DIXDC1: variants seen among roughly 807,000 people sequenced by gnomAD.
The protein encoded by DIXDC1 is DIX domain containing 1.
A neutral mutation model predicts 103.1 loss-of-function variants in DIXDC1; 64 were observed. That is an observed-to-expected ratio of 0.62 (90% CI 0.51 to 0.76). DIXDC1 has a LOEUF of 0.76. Among genes scored for constraint, DIXDC1 ranks in the 30% least tolerant of loss-of-function variants. The probability of loss-of-function intolerance (pLI) is 0.00; values close to 1 mark genes in which losing one functional copy is unlikely to be tolerated. For synonymous variants in DIXDC1, 266 were observed against 298.5 expected, an observed-to-expected ratio of 0.89 and a Z score of 1.12; for missense variants, 759 against 834.2, an observed-to-expected ratio of 0.91 and a Z score of 1.11.
At chr11:111,936,502 T>C (rs587731691), upstream of DIXDC1, among the ~76,000 whole-genome samples, 1 of 152,362 alleles carries the variant, frequency 6.6e-6, no homozygotes, top group Admixed American at 6.5e-5. Flanking sequence ...TTGTATATTT[T>C]AGCAGTTATT....
intron 5 of DIXDC1, 31 bp from the exon 6 acceptor site, chr11:111,980,706 A>G: frequency 6.4e-7 from 1 of 1,565,918 alleles, no homozygotes; most frequent in Non-Finnish European, 8.8e-7. Context: ...CTTCATAATA[A>G]TCGTTTTTCT....
rs782667390 is a variant in DIXDC1, at chr11:111,974,229, C to T, written c.523C>T (p.Arg175Trp). ...GTGTCATGACATGTCCCGATCAGGA[C>T]GGGATGTCTTTCGATATAGACAGAG... ...DVCHDMSRSG[R>W]DVFRYRQRNS... Residue 175 changes from arginine to tryptophan, a missense_variant, in exon 4 of 20, where the codon CGG (arginine) becomes TGG (tryptophan). Coordinates refer to ENST00000440460, the MANE Select transcript of DIXDC1 (RefSeq NM_001037954.4). 21 of 1,613,546 alleles carry T rather than the reference C, an allele frequency of 1.3e-5. No individual in the cohort carries two copies. The Admixed American group carries it at 1.7e-4, about 13-fold the overall frequency.
chr11:112,005,911 G>T (rs2081509), intron 17 of DIXDC1, among the ~76,000 whole-genome samples: 1 of 152,120 alleles, frequency 6.6e-6, no homozygotes, highest in African/African-American at 2.4e-5. Flanking sequence ...AGGCCAAGGC[G>T]GGCAGATTAC....
chr11:112,013,321 T>TGGGGGGGGGGGGGGGG (rs1403269609), intron 17 of DIXDC1, among the ~76,000 whole-genome samples: 40 of 35,686 alleles, frequency 1.1e-3, no homozygotes, highest in South Asian at 3.0e-3. Flanking sequence ...GGTCGGGGGG[T>TGGGGGGGGGGGGGGGG]GGGGGTGGGG....
chr11:111,931,303 C>A (rs1415248070), intron 2 of DIXDC1, among the ~76,000 whole-genome samples: 2 of 152,082 alleles, frequency 1.3e-5, no homozygotes, highest in Non-Finnish European at 1.5e-5. Context: ...TGTGCCTCTG[C>A]ACTCTAGCCT....
At chr11:111,974,345 C>A in intron 4 of DIXDC1, 91 bp downstream of exon 4, 1 of 1,244,220 alleles carries the variant, frequency 8.0e-7, no homozygotes, top group Non-Finnish European at 1.1e-6. Flanking sequence ...AAACGTCACC[C>A]AAACAGCCCC....
Position 111,974,925 on chromosome 11 carries a change from G to A in DIXDC1, c.598G>A (p.Ala200Thr). The A allele has an allele frequency of 6.2e-7, 1 of 1,613,644 alleles. No homozygotes were observed. Among genetic ancestry groups the A allele is most frequent in the Non-Finnish European group, 8.5e-7 (1 of 1,179,814 alleles). The change falls in exon 5 of 20, where the codon GCC becomes ACC. Residue 200 changes from alanine to threonine, a missense_variant. Physicochemically the swap from Ala to Thr is moderately conservative, Grantham distance 58. Transcript: ENST00000440460. Reference sequence around the variant, plus strand: ...TGAGAATCCATACTGGAGTGTGCGGGCCCTAGTGCAGCAGTACGAAGGGCA... The same window carrying A: ...TGAGAATCCATACTGGAGTGTGCGGACCCTAGTGCAGCAGTACGAAGGGCA... ...EIENPYWSVRALVQQYEGQQR... is the reference protein window; with the variant it reads ...EIENPYWSVRTLVQQYEGQQR...
At chr11:111,999,590 C>T (rs1566559488) in intron 17 of DIXDC1, among the ~76,000 whole-genome samples, 1 of 152,168 alleles carries the variant, frequency 6.6e-6, no homozygotes, top group Non-Finnish European at 1.5e-5. Context: ...TTGGGCTGGG[C>T]GCAGTGCCTT....
At position 111,977,122 on chromosome 11, in the gene DIXDC1, C is replaced by G. The variant is rs1277755675; in HGVS notation, c.656+2139C>G. The G allele has an allele frequency of 6.2e-6, 2 of 322,242 alleles. No homozygotes were observed. The highest frequency in any genetic ancestry group is 2.4e-4 in the South Asian group (2 of 8,206). The allele number at this position is 322,242 out of a possible 1,614,324, so 20.0% of individuals were successfully genotyped here. On this transcript the variant is annotated intron_variant, in intron 5 of 19. Transcript: ENST00000440460. The surrounding 1 kb of genome is among the most constrained non-coding windows in gnomAD (Gnocchi z 6.1). ...CCTGAGGCTCCCAATCTCCTCTCCT[C>G]GCATCCCCCAACCCCTCGTCGACGT... is the stretch of plus-strand genomic sequence containing the variant.
chr11:111,983,141 G>C (rs10789854), intron 7 of DIXDC1, among the ~76,000 whole-genome samples: 67,221 of 151,928 alleles, frequency 0.44, 15,527 homozygotes, highest in East Asian at 0.59. Context: ...TTGGGGGAGC[G>C]CTTATAGTGT....
intron 7 of DIXDC1, among the ~76,000 whole-genome samples, chr11:111,983,142 C>T (rs1860373890): frequency 6.6e-6 from 1 of 152,172 alleles, no homozygotes; most frequent in Non-Finnish European, 1.5e-5. Context: ...TGGGGGAGCG[C>T]TTATAGTGTG....
In DIXDC1 at chr11:111,986,789, T is replaced by C. The variant is rs1480963394; in HGVS notation, c.1009-82T>C. ...ACAGTACAGAGCTGGCATCTAGTAG[T>C]GCTCAATAAATATTTGTTGAATGAG... is the stretch of plus-strand genomic sequence containing the variant. On this transcript the variant is annotated intron_variant, in intron 8 of 19. Coordinates refer to ENST00000440460, the MANE Select transcript of DIXDC1 (RefSeq NM_001037954.4). 11 of 1,272,060 alleles carry C rather than the reference T, an allele frequency of 8.6e-6. No individual in the cohort carries two copies. The African/African-American group carries it at 8.9e-5, about 10-fold the overall frequency. 78.8% of individuals were successfully genotyped at this position (1,272,060 alleles called of 1,614,324 possible). A position where few individuals can be genotyped will look rare whatever the true frequency, so the allele number is the denominator to read the frequency against.
Position 112,004,026 on chromosome 11 carries a change from T to TTA in DIXDC1, c.1756+7902_1756+7903dup, listed in dbSNP as rs34490826. ...AAACCCCATCTTAAAAAAAAAAAAA[T>TTA]TATATATATATATATATATATATGT... On this transcript the variant is annotated intron_variant, in intron 17 of 19. Transcript: ENST00000440460. Among the ~76,000 whole-genome samples, 1,279 of 128,484 alleles carry TTA rather than the reference T, an allele frequency of 1.0e-2. 18 individuals are homozygous for TTA. Among genetic ancestry groups the TTA allele is most frequent in the South Asian group, 0.07 (274 of 3,940 alleles). 84.3% of individuals were successfully genotyped at this position (128,484 alleles called of 152,430 possible). A position where few individuals can be genotyped will look rare whatever the true frequency, so the allele number is the denominator to read the frequency against.
chr11:111,965,714 G>A (rs1212025508), intron 2 of DIXDC1, among the ~76,000 whole-genome samples: 2 of 152,144 alleles, frequency 1.3e-5, no homozygotes, highest in Admixed American at 6.5e-5. Flanking sequence ...GCTTAAAAGA[G>A]AAGATTTATA....
chr11:111,937,429 AGAGG>A lies in DIXDC1; in HGVS notation c.-66_-63del. The A allele has an allele frequency of 6.5e-7, 1 of 1,542,696 alleles. No individual in the cohort carries two copies. Among genetic ancestry groups the A allele is most frequent in the East Asian group, 2.5e-5 (1 of 40,800 alleles). On this transcript the variant is annotated 5_prime_UTR_variant, in exon 1 of 20. Transcript: ENST00000440460. ...AGCTGAGCCGAGAGCCTTTGTGTGC[AGAGG>A]GAGGAGGAGGAGGCGGCGGCGGCCG...
chr11:111,950,841 T>G (rs1220374817), intron 1 of DIXDC1, among the ~76,000 whole-genome samples: 2 of 152,172 alleles, frequency 1.3e-5, no homozygotes, highest in African/African-American at 4.8e-5. Flanking sequence ...AAATGGGGTA[T>G]CCATCACCAC....
At chr11:111,944,397 C>T (rs1196581058) in intron 1 of DIXDC1, among the ~76,000 whole-genome samples, 2 of 152,140 alleles carry the variant, frequency 1.3e-5, no homozygotes, top group Non-Finnish European at 2.9e-5. Flanking sequence ...TTGGTGCTTT[C>T]GCAACTCTAG....
intron 14 of DIXDC1, among the ~76,000 whole-genome samples, chr11:111,994,620 G>GTA (rs1218256935): frequency 1.3e-5 from 2 of 151,148 alleles, no homozygotes; most frequent in East Asian, 3.9e-4. Context: ...ATATGTATGT[G>GTA]TATATATATG....
In DIXDC1 at chr11:111,974,755, A is replaced by G. The variant is rs895559781; in HGVS notation, c.549-121A>G. Reference sequence around the variant, plus strand: ...GCTAGGTACCAAGTGTCTTTGAGGCAGGGGTTTTGTCTTACTCATGTGTGT... The same window carrying G: ...GCTAGGTACCAAGTGTCTTTGAGGCGGGGGTTTTGTCTTACTCATGTGTGT... On this transcript the variant is annotated intron_variant, in intron 4 of 19. Transcript: ENST00000440460. The G allele has an allele frequency of 4.1e-6, 6 of 1,478,836 alleles. No homozygotes were observed. The African/African-American group carries it at 8.5e-5, about 21-fold the overall frequency. The allele number at this position is 1,478,836 out of a possible 1,614,324, so 91.6% of individuals were successfully genotyped here.
Sources: allele counts gnomAD v4.1 joint callset (sites outside exome capture counted in the v4.1 genomes callset), GRCh38; gene constraint gnomAD v4.1.1; non-coding constraint Gnocchi (gnomAD v3.1); transcripts MANE v1.5; gene names NCBI Gene and HGNC (gene_info 2026-07-23, HGNC 2026-07-21).